Variants in DCTN5 observed in about 807,000 individuals in gnomAD.
DCTN5 encodes dynactin subunit 5.
DCTN5 carries 14 observed loss-of-function variants against 23.5 expected under a neutral mutation model. That is an observed-to-expected ratio of 0.60 (90% CI 0.39 to 0.93). DCTN5 has a LOEUF of 0.93. Among genes scored for constraint, DCTN5 ranks in the 40% least tolerant of loss-of-function variants. The pLI is 0.00. For missense variants in DCTN5, 156 were observed against 225.9 expected (o/e 0.69, Z 1.98); for synonymous variants, 67 against 79.6 (o/e 0.84, Z 0.84).
At position 23,675,336 on chromosome 16, in the gene DCTN5, C is replaced by CA. The variant is rs574361632; in HGVS notation, c.*8198dup. On this transcript the variant is annotated 3_prime_UTR_variant, in exon 6 of 6. Transcript: ENST00000300087. Reference sequence around the variant, plus strand: ...GCAACATGGTGAAATCCTGTGTCTACAAAAAATGCAAAAATTAGCTGGACA... The same window carrying CA: ...GCAACATGGTGAAATCCTGTGTCTACAAAAAAATGCAAAAATTAGCTGGACA... 17 of 152,076 alleles carry CA rather than the reference C, an allele frequency of 1.1e-4. No homozygotes were observed. The East Asian group carries it at 2.5e-3, about 23-fold the overall frequency. The allele number at this position is 152,076 out of a possible 1,614,324, so 9.4% of individuals were successfully genotyped here. A position where few individuals can be genotyped will look rare whatever the true frequency, so the allele number is the denominator to read the frequency against.
chr16:23,668,854 G>C lies in DCTN5; in HGVS notation c.*1710G>C, dbSNP rs896691953. ...TTTGGAAACTCCCAAAGTTCTCAAT[G>C]GTTTGTTGTGAGTTCCATGTCCTCT... On this transcript the variant is annotated 3_prime_UTR_variant, in exon 6 of 6. Coordinates refer to ENST00000300087, the MANE Select transcript of DCTN5 (RefSeq NM_032486.4). 3 of 152,246 alleles carry C rather than the reference G, an allele frequency of 2.0e-5. No homozygotes were observed. Among genetic ancestry groups the C allele is most frequent in the Non-Finnish European group, 4.4e-5 (3 of 68,038 alleles). 9.4% of individuals were successfully genotyped at this position (152,246 alleles called of 1,614,324 possible).
chr16:23,664,474 G>C (rs16940371), intron 4 of DCTN5, among the ~76,000 whole-genome samples: 9,646 of 152,210 alleles, frequency 0.063, 641 homozygotes, highest in African/African-American at 0.16. Flanking sequence ...CATTGTCCTG[G>C]TATTTGTAAA....
At chr16:23,661,793 C>A (rs966509319) in intron 4 of DCTN5, among the ~76,000 whole-genome samples, 1 of 151,710 alleles carries the variant, frequency 6.6e-6, no homozygotes, top group African/African-American at 2.4e-5. Context: ...TACGGGCAAG[C>A]GTTTATCAAG....
chr16:23,664,667 T>C (rs991682703), intron 4 of DCTN5, among the ~76,000 whole-genome samples: 2 of 152,242 alleles, frequency 1.3e-5, no homozygotes, highest in Non-Finnish European at 2.9e-5. Flanking sequence ...TCTCAGACCT[T>C]ATTTCTTGCT....
In DCTN5 at chr16:23,661,172, T is replaced by C; in HGVS notation, c.239T>C (p.Val80Ala). The change falls in exon 4 of 6, where the codon GTT (valine) becomes GCT (alanine). Residue 80 changes from valine to alanine, a missense_variant and splice_region_variant. Val to Ala is a moderately conservative substitution (Grantham distance 64, BLOSUM62 0). Transcript: ENST00000300087. ...RPPFKKFSKGVAFFPLHIGDH... is the reference protein window; with the variant it reads ...RPPFKKFSKGAAFFPLHIGDH... ...TTCATCTTCTTTTCCTCTTCTAGTG[T>C]TGCATTCTTTCCTTTACATATTGGA... 6.2e-7 allele frequency: 1 copy of C among 1,608,460 alleles called. No individual in the cohort carries two copies. The highest frequency in any genetic ancestry group is 8.5e-7 in the Non-Finnish European group (1 of 1,175,904).
chr16:23,663,283 T>C (rs989895955), intron 4 of DCTN5, among the ~76,000 whole-genome samples: 8 of 152,246 alleles, frequency 5.3e-5, no homozygotes, highest in African/African-American at 1.9e-4. Context: ...AGATTTGGTT[T>C]TCCATCCTGT....
chr16:23,664,424 A>G (rs1967869795), intron 4 of DCTN5, among the ~76,000 whole-genome samples: 1 of 152,242 alleles, frequency 6.6e-6, no homozygotes. Flanking sequence ...AAGCAAATCA[A>G]TCATGTTCTT....
At chr16:23,645,514 A>G (rs1567228687) in intron 2 of DCTN5, among the ~76,000 whole-genome samples, 1 of 152,098 alleles carries the variant, frequency 6.6e-6, no homozygotes, top group Admixed American at 6.6e-5. Flanking sequence ...AAATTTTTTC[A>G]TCACCCCAAA....
At position 23,672,319 on chromosome 16, in the gene DCTN5, C is replaced by T. The variant is rs1460917338; in HGVS notation, c.*5175C>T. ...GAACCTTAGGAAATAGGCACATCAT[C>T]TCCTGGATAGAATCCTAGGAAATGG... On this transcript the variant is annotated 3_prime_UTR_variant, in exon 6 of 6. Transcript: ENST00000300087. 1 of 152,194 alleles carries T rather than the reference C, an allele frequency of 6.6e-6. No homozygotes were observed. Among genetic ancestry groups the T allele is most frequent in the Non-Finnish European group, 1.5e-5 (1 of 68,046 alleles). 9.4% of individuals were successfully genotyped at this position (152,194 alleles called of 1,614,324 possible). A position where few individuals can be genotyped will look rare whatever the true frequency, so the allele number is the denominator to read the frequency against.
intron 2 of DCTN5, among the ~76,000 whole-genome samples, chr16:23,645,035 C>T (rs1295585752): frequency 1.5e-5 from 2 of 134,922 alleles, no homozygotes; most frequent in Non-Finnish European, 3.1e-5. Context: ...CTGCCTTGGC[C>T]TCTCAAAGTA....
chr16:23,653,730 A>C (rs537862685), intron 2 of DCTN5, among the ~76,000 whole-genome samples: 5 of 152,362 alleles, frequency 3.3e-5, no homozygotes, highest in African/African-American at 1.2e-4. Context: ...GCGCTTCTGC[A>C]CAGCAAAAGA....
intron 2 of DCTN5, among the ~76,000 whole-genome samples, chr16:23,647,495 C>CTTTT (rs111226428): frequency 0.011 from 1,499 of 140,404 alleles, 20 homozygotes; most frequent in African/African-American, 0.037. Flanking sequence ...GGGCTGTTTG[C>CTTTT]TTTTTTTTTT....
At chr16:23,656,688 T>C (rs541583760) in intron 2 of DCTN5, among the ~76,000 whole-genome samples, 48 of 152,160 alleles carry the variant, frequency 3.2e-4, no homozygotes, top group African/African-American at 1.1e-3. Flanking sequence ...TCTTTCTATA[T>C]GTACAGTTAT....
intron 3 of DCTN5, 119 bp downstream of exon 3, chr16:23,658,744 A>T (rs1011799368): frequency 1.3e-6 from 1 of 759,610 alleles, no homozygotes; most frequent in African/African-American, 1.7e-5. Context: ...ACTGAGTAAG[A>T]GTTCACCATA....
chr16:23,654,227 A>G (rs548730747), intron 2 of DCTN5, among the ~76,000 whole-genome samples: 2 of 152,366 alleles, frequency 1.3e-5, no homozygotes, highest in Non-Finnish European at 2.9e-5. Context: ...GTGCACACAT[A>G]TATTCATTGC....
At chr16:23,642,814 T>A in intron 1 of DCTN5, 141 bp from the exon 2 acceptor site, 1 of 670,444 alleles carries the variant, frequency 1.5e-6, no homozygotes, top group Non-Finnish European at 2.6e-6. Context: ...CATTGCTTTT[T>A]TGATATCCTG....
Position 23,667,984 on chromosome 16 carries a change from T to A in DCTN5, c.*840T>A, listed in dbSNP as rs1282879999. On this transcript the variant is annotated 3_prime_UTR_variant, in exon 6 of 6. Transcript: ENST00000300087. ...TAGAACCATTCAGCCTACCCTGTAT[T>A]TGCCATAAACTCCACAATTCACACC... 1 of 152,230 alleles carries A rather than the reference T, an allele frequency of 6.6e-6. No homozygotes were observed. Among genetic ancestry groups the A allele is most frequent in the Non-Finnish European group, 1.5e-5 (1 of 68,038 alleles). 9.4% of individuals were successfully genotyped at this position (152,230 alleles called of 1,614,324 possible). A position where few individuals can be genotyped will look rare whatever the true frequency, so the allele number is the denominator to read the frequency against.
chr16:23,675,795 T>C lies in DCTN5; in HGVS notation c.*8651T>C, dbSNP rs1018910332. ...GACAACAGAGTGGGTCTAGCTTCTA[T>C]GCTTTCCATGAAGATCTCCCACAAA... On this transcript the variant is annotated 3_prime_UTR_variant, in exon 6 of 6. Transcript: ENST00000300087. The C allele has an allele frequency of 6.6e-6, 1 of 152,220 alleles. No homozygotes were observed. Among genetic ancestry groups the C allele is most frequent in the Non-Finnish European group, 1.5e-5 (1 of 68,042 alleles). The allele number at this position is 152,220 out of a possible 1,614,324, so 9.4% of individuals were successfully genotyped here. A position where few individuals can be genotyped will look rare whatever the true frequency, so the allele number is the denominator to read the frequency against.
chr16:23,677,456 A>G lies in DCTN5; in HGVS notation c.*10312A>G, dbSNP rs1323726145. On this transcript the variant is annotated 3_prime_UTR_variant, in exon 6 of 6. Transcript: ENST00000300087. The stretch of plus-strand genomic sequence containing the variant: ...AATTTCAATAAAAAGAATTCACACT[A>G]TAGGGGTACAAAATAACTTAATTTT... The G allele has an allele frequency of 6.6e-6, 1 of 152,244 alleles. No homozygotes were observed. The highest frequency in any genetic ancestry group is 2.4e-5 in the African/African-American group (1 of 41,472). The allele number at this position is 152,244 out of a possible 1,614,324, so 9.4% of individuals were successfully genotyped here. A position where few individuals can be genotyped will look rare whatever the true frequency, so the allele number is the denominator to read the frequency against.
Sources: gnomAD v4.1 joint callset for allele counts (sites outside exome capture counted in the v4.1 genomes callset) on GRCh38, gnomAD v4.1.1 for gene constraint, MANE v1.5 for transcripts, NCBI Gene and HGNC (gene_info 2026-07-23, HGNC 2026-07-21) for gene names.